DGKB: variants seen among roughly 807,000 people sequenced by gnomAD.
The protein encoded by DGKB is diacylglycerol kinase beta, also known as 90 kDa diacylglycerol kinase.
A neutral mutation model predicts 114.3 loss-of-function variants in DGKB; 67 were observed. The observed-to-expected ratio is 0.59, with a 90% CI of 0.48 to 0.72. The LOEUF (loss-of-function observed/expected upper bound fraction) is 0.72. DGKB is among the 30% of genes least tolerant of loss of function. The probability of loss-of-function intolerance (pLI) is 0.00; values close to 1 mark genes in which losing one functional copy is unlikely to be tolerated. For missense variants in DGKB, 907 were observed against 975.2 expected, an observed-to-expected ratio of 0.93 and a Z score of 0.93; for synonymous variants, 398 against 323.1, an observed-to-expected ratio of 1.23 and a Z score of -2.49.
At chr7:14,833,203 T>C (rs1846658793) in intron 2 of DGKB, among the ~76,000 whole-genome samples, 1 of 152,092 alleles carries the variant, frequency 6.6e-6, no homozygotes, top group African/African-American at 2.4e-5. Flanking sequence ...TAGGCTGCCC[T>C]AGTAAAATAA....
At chr7:14,357,990 G>T (rs996117540) in intron 21 of DGKB, among the ~76,000 whole-genome samples, 2 of 152,074 alleles carry the variant, frequency 1.3e-5, no homozygotes, top group African/African-American at 4.8e-5. Flanking sequence ...TCCCTTTGTG[G>T]GTAACCCGAC....
rs1256938738 is a variant in DGKB at position 14,805,799 on chromosome 7, A to T, written c.70+35395T>A. On this transcript the variant is annotated intron_variant, in intron 2 of 25. Transcript: ENST00000402815. ...TGCTTATGCTTCTTTCTGGTTCTCA[A>T]ATTTTCCAAGCCAAAACTTCCATAT... Among the ~76,000 whole-genome samples the T allele has an allele frequency of 2.0e-5, 3 of 151,590 alleles. No homozygotes were observed. In the East Asian group the frequency reaches 5.8e-4, roughly 29 times the overall value.
At chr7:14,459,627 ATGG>A (rs1416930493) in intron 21 of DGKB, among the ~76,000 whole-genome samples, 1 of 152,182 alleles carries the variant, frequency 6.6e-6, no homozygotes, top group Non-Finnish European at 1.5e-5. Context: ...CTACGTTTGA[ATGG>A]TGTACATGAA....
At chr7:14,490,376 T>A (rs1784434409) in intron 20 of DGKB, among the ~76,000 whole-genome samples, 1 of 152,208 alleles carries the variant, frequency 6.6e-6, no homozygotes, top group African/African-American at 2.4e-5. Flanking sequence ...ATAATTTGGT[T>A]AATTTCAATT....
At chr7:14,638,769 C>A (rs960000051) in intron 13 of DGKB, among the ~76,000 whole-genome samples, 3 of 152,078 alleles carry the variant, frequency 2.0e-5, no homozygotes, top group Admixed American at 1.3e-4. Flanking sequence ...GGGCCGGGTG[C>A]AGTGGCTCAT....
intron 1 of DGKB, among the ~76,000 whole-genome samples, chr7:14,915,604 T>C (rs988331219): frequency 1.3e-5 from 2 of 151,864 alleles, no homozygotes; most frequent in African/African-American, 4.8e-5. Context: ...AGAACAAGAA[T>C]AAGAATTACA....
intron 6 of DGKB, among the ~76,000 whole-genome samples, chr7:14,706,079 T>G (rs569783019): frequency 2.6e-3 from 375 of 146,536 alleles, no homozygotes; most frequent in African/African-American, 9.1e-3. Context: ...CCATCTCACG[T>G]GCAGAGACAC....
chr7:14,558,943 C>A (rs1272086953), intron 20 of DGKB, among the ~76,000 whole-genome samples: 2 of 152,222 alleles, frequency 1.3e-5, no homozygotes, highest in Non-Finnish European at 2.9e-5. Context: ...CCCCTGGTCT[C>A]CAGCATCCAT....
chr7:14,502,750 A>G (rs190514692), intron 20 of DGKB, among the ~76,000 whole-genome samples: 20 of 152,238 alleles, frequency 1.3e-4, no homozygotes, highest in African/African-American at 4.6e-4. Flanking sequence ...GATGTAATCT[A>G]TATAACACTA....
chr7:14,239,218 A>G (rs907148514), intron 23 of DGKB, among the ~76,000 whole-genome samples: 1 of 152,104 alleles, frequency 6.6e-6, no homozygotes, highest in Non-Finnish European at 1.5e-5. Flanking sequence ...TAAAACCAAG[A>G]AAAGGGTACA....
rs1238012790 is a variant in DGKB, at chr7:14,675,602, G to C, written c.1036-2575C>G. 3.3e-5 allele frequency among the ~76,000 whole-genome samples: 5 copies of C among 151,620 alleles called. No individual in the cohort carries two copies. The Admixed American group carries it at 3.3e-4, about 10-fold the overall frequency. On this transcript the variant is annotated intron_variant, in intron 12 of 25. Transcript: ENST00000402815. ...TCCATGAAATTCTGGTCTTTGCAGA[G>C]CCAAATAAATCTAGTATGGGATTTC...
chr7:14,343,772 A>T (rs1022032421), intron 22 of DGKB, among the ~76,000 whole-genome samples: 19 of 150,976 alleles, frequency 1.3e-4, no homozygotes, highest in East Asian at 9.7e-4. Flanking sequence ...CAGTTTTTTT[A>T]AAAAAATAAT....
At chr7:14,662,749 G>GA (rs1187046058) in intron 13 of DGKB, among the ~76,000 whole-genome samples, 10 of 151,412 alleles carry the variant, frequency 6.6e-5, no homozygotes, top group South Asian at 4.2e-4. Flanking sequence ...TTAAAAAGGT[G>GA]AAAAAAAAAC....
chr7:14,969,776 T>C (rs1415541328), intron 1 of DGKB, among the ~76,000 whole-genome samples: 1 of 152,204 alleles, frequency 6.6e-6, no homozygotes, highest in South Asian at 2.1e-4. Context: ...CTAAGCTAAA[T>C]GTTATAGCCT....
chr7:14,763,838 T>C (rs1384687500), intron 2 of DGKB, among the ~76,000 whole-genome samples: 5 of 152,094 alleles, frequency 3.3e-5, no homozygotes, highest in Non-Finnish European at 7.4e-5. Context: ...TTTAGTGGAC[T>C]GACTGTAAGT....
At chr7:14,773,183 A>G (rs1837668628) in intron 2 of DGKB, among the ~76,000 whole-genome samples, 1 of 152,184 alleles carries the variant, frequency 6.6e-6, no homozygotes, top group African/African-American at 2.4e-5. Flanking sequence ...CTAAATAATT[A>G]GGTGTTAAAT....
chr7:14,920,785 T>C (rs1784475736), intron 1 of DGKB, among the ~76,000 whole-genome samples: 1 of 152,150 alleles, frequency 6.6e-6, no homozygotes, highest in Non-Finnish European at 1.5e-5. Context: ...TAAACTAGGG[T>C]ACGTCTCTAA....
intron 1 of DGKB, among the ~76,000 whole-genome samples, chr7:14,857,028 C>A (rs184131078): frequency 6.6e-6 from 1 of 152,110 alleles, no homozygotes; most frequent in African/African-American, 2.4e-5. Flanking sequence ...GGATGTCATT[C>A]CCTACATTAG....
chr7:14,378,686 G>C (rs769353043), intron 21 of DGKB, among the ~76,000 whole-genome samples: 7 of 151,992 alleles, frequency 4.6e-5, no homozygotes, highest in Non-Finnish European at 8.8e-5. Context: ...GCCTATATAT[G>C]TTTCTGTGTA....
Sources: allele counts gnomAD v4.1 joint callset (sites outside exome capture counted in the v4.1 genomes callset), GRCh38; gene constraint gnomAD v4.1.1; transcripts MANE v1.5; gene names NCBI Gene and HGNC (gene_info 2026-07-23, HGNC 2026-07-21).